COL28A1: variants seen among roughly 807,000 people sequenced by gnomAD.
The protein encoded by COL28A1 is collagen alpha-1(XXVIII) chain.
In COL28A1, 161 loss-of-function variants were observed where a neutral mutation model predicts 150.2. The ratio of observed to expected loss-of-function variants is 1.07; its 90% CI spans 0.94 to 1.22. The LOEUF is 1.22. Among genes scored for constraint, COL28A1 ranks in the 50% most tolerant of loss-of-function variants. The pLI, the probability that COL28A1 is intolerant of heterozygous loss-of-function variation, is 0.00. For synonymous variants in COL28A1, 552 were observed against 469.7 expected (o/e 1.18, Z -2.26); for missense variants, 1,617 against 1,388.3 (o/e 1.16, Z -2.62).
At chr7:7,383,286 GTGTTTT>G (rs776480945) in intron 27 of COL28A1, among the ~76,000 whole-genome samples, 38 of 105,166 alleles carry the variant, frequency 3.6e-4, no homozygotes, top group South Asian at 1.2e-3. Flanking sequence ...GTGTGTGTGT[GTGTTTT>G]TTTTGAGACA....
chr7:7,520,099 G>T lies in COL28A1; in HGVS notation c.776C>A (p.Pro259Gln). 1 of 1,390,732 alleles carries T rather than the reference G, an allele frequency of 7.2e-7. No homozygotes were observed. Among genetic ancestry groups the T allele is most frequent in the Non-Finnish European group, 1.0e-6 (1 of 977,778 alleles). The allele number at this position is 1,390,732 out of a possible 1,614,324, so 86.1% of individuals were successfully genotyped here. A position where few individuals can be genotyped will look rare whatever the true frequency, so the allele number is the denominator to read the frequency against. The change falls in exon 6 of 35, where the codon CCA (proline) becomes CAA (glutamine). Residue 259 changes from proline to glutamine, a missense_variant. By Grantham distance (76) the Pro-to-Gln change is moderately conservative. Transcript: ENST00000399429. Reference sequence around the variant, plus strand: ...TGGTCCTCGCTCACCTTTGATACCTGGATTTCCATGTGTACCCTGAAGGCA... The same window carrying T: ...TGGTCCTCGCTCACCTTTGATACCTTGATTTCCATGTGTACCCTGAAGGCA... ...DPGPPGTHGN[P>Q]GIKGERGPKG...
intron 15 of COL28A1, among the ~76,000 whole-genome samples, chr7:7,457,059 C>T (rs1787225969): frequency 6.6e-6 from 1 of 152,162 alleles, no homozygotes; most frequent in Admixed American, 6.5e-5. Context: ...GTGGAACCAT[C>T]TCCATGAGGG....
At chr7:7,450,634 G>A (rs113046611) in intron 18 of COL28A1, among the ~76,000 whole-genome samples, 6 of 152,188 alleles carry the variant, frequency 3.9e-5, no homozygotes, top group Admixed American at 1.3e-4. Context: ...TTGAAGACTC[G>A]CACGCTCTAT....
intron 4 of COL28A1, among the ~76,000 whole-genome samples, chr7:7,522,638 T>G (rs183081729): frequency 6.6e-6 from 1 of 151,958 alleles, no homozygotes; most frequent in Non-Finnish European, 1.5e-5. Context: ...TTTGCTGGCA[T>G]AGAGGTCAGT....
intron 13 of COL28A1, among the ~76,000 whole-genome samples, chr7:7,479,956 C>G (rs7788168): frequency 8.5e-4 from 129 of 152,300 alleles, no homozygotes; most frequent in African/African-American, 2.9e-3. Context: ...AGCTTTTCCT[C>G]TGATGAATCT....
chr7:7,523,621 C>G (rs1204094523), intron 4 of COL28A1, among the ~76,000 whole-genome samples: 1 of 152,180 alleles, frequency 6.6e-6, no homozygotes, highest in Non-Finnish European at 1.5e-5. Flanking sequence ...GAACAAAGCT[C>G]AGATGTTCCA....
intron 25 of COL28A1, among the ~76,000 whole-genome samples, chr7:7,428,385 G>C (rs1260440735): frequency 6.6e-6 from 1 of 152,180 alleles, no homozygotes; most frequent in Non-Finnish European, 1.5e-5. Flanking sequence ...GGCTGTACCT[G>C]CCCTTAGTGA....
At chr7:7,492,478 G>A (rs111276891) in intron 11 of COL28A1, among the ~76,000 whole-genome samples, 8,492 of 151,040 alleles carry the variant, frequency 0.056, 323 homozygotes, top group Non-Finnish European at 0.085. Context: ...CCAGCTACTC[G>A]GGAGGCTGAG....
At chr7:7,429,477 G>C (rs557559919) in intron 25 of COL28A1, among the ~76,000 whole-genome samples, 1 of 150,746 alleles carries the variant, frequency 6.6e-6, no homozygotes, top group South Asian at 2.1e-4. Flanking sequence ...TGTGTGTGGG[G>C]GGGGGGATGG....
Position 7,379,919 on chromosome 7 carries a change from C to T in COL28A1, c.2322+741G>A, listed in dbSNP as rs1180089612. ...CATGTGCAGTTCTGTTGGTCACATG[C>T]CCAGCTCTCAGCTCTTGCCTTCACC... On this transcript the variant is annotated intron_variant, in intron 30 of 34. Transcript: ENST00000399429. Among the ~76,000 whole-genome samples the T allele has an allele frequency of 2.6e-5, 4 of 152,154 alleles. No individual in the cohort carries two copies. In the East Asian group the frequency reaches 5.8e-4, roughly 22 times the overall value.
chr7:7,531,962 C>T (rs1782391219), intron 2 of COL28A1, 58 bp from the exon 3 acceptor site: 2 of 1,066,712 alleles, frequency 1.9e-6, no homozygotes, highest in African/African-American at 1.6e-5. Flanking sequence ...AACAAATTTG[C>T]ATACGGAAAG....
At chr7:7,516,303 T>C (rs1275375458) in intron 7 of COL28A1, among the ~76,000 whole-genome samples, 2 of 152,234 alleles carry the variant, frequency 1.3e-5, no homozygotes, top group Admixed American at 6.5e-5. Context: ...AATATTTGTA[T>C]CCATTATGGT....
intron 27 of COL28A1, among the ~76,000 whole-genome samples, chr7:7,400,981 T>TGTGG (rs1783156128): frequency 8.8e-6 from 1 of 114,254 alleles, no homozygotes; most frequent in African/African-American, 4.0e-5. Flanking sequence ...TTTGGGTGTG[T>TGTGG]GTGTGTGTGT....
rs1554281248 is a variant in COL28A1, at chr7:7,474,070, A to AATATATATATATATATATGGAAT, written c.1302+530_1302+531insATTCCATATATATATATATATAT. ...TACTATATACTCTATATATATATGGAATATATATATATATATATGTGATGG... is the reference window on the plus strand; with the variant it reads ...TACTATATACTCTATATATATATGGAATATATATATATATATATGGAATATATATATATATATATATGTGATGG... On this transcript the variant is annotated intron_variant, in intron 15 of 34. Coordinates refer to ENST00000399429, the MANE Select transcript of COL28A1 (RefSeq NM_001037763.3). Among the ~76,000 whole-genome samples, 125 of 143,050 alleles carry AATATATATATATATATATGGAAT rather than the reference A, an allele frequency of 8.7e-4. 1 individual carries two copies. The highest frequency in any genetic ancestry group is 3.0e-3 in the African/African-American group (117 of 38,744). The allele number at this position is 143,050 out of a possible 152,430, so 93.8% of individuals were successfully genotyped here.
intron 4 of COL28A1, among the ~76,000 whole-genome samples, chr7:7,523,015 T>C (rs930736254): frequency 7.2e-5 from 11 of 152,084 alleles, no homozygotes; most frequent in African/African-American, 2.7e-4. Flanking sequence ...TATTCCCTTA[T>C]ATGTATATAT....
chr7:7,360,336 T>C (rs912284114), intron 34 of COL28A1, 54 bp downstream of exon 34: 8 of 1,462,946 alleles, frequency 5.5e-6, no homozygotes, highest in Non-Finnish European at 7.2e-6. Flanking sequence ...GTGCACCAAA[T>C]CTGTGCACAA....
chr7:7,375,041 A>G lies in COL28A1; in HGVS notation c.2359+420T>C, dbSNP rs188555349. Among the ~76,000 whole-genome samples, 9 of 152,342 alleles carry G rather than the reference A, an allele frequency of 5.9e-5. No individual in the cohort carries two copies. The East Asian group carries it at 7.7e-4, about 13-fold the overall frequency. ...CTGAGTACAACTCAAAACTCTACTC[A>G]GAAAGAATTCATGGCTTCGGGAAAA... On this transcript the variant is annotated intron_variant, in intron 31 of 34. Coordinates refer to ENST00000399429, the MANE Select transcript of COL28A1 (RefSeq NM_001037763.3).
chr7:7,454,380 T>C (rs1786967189), intron 16 of COL28A1, among the ~76,000 whole-genome samples: 1 of 152,216 alleles, frequency 6.6e-6, no homozygotes, highest in East Asian at 1.9e-4. Context: ...GTAGAATTTA[T>C]ATCATTTGTC....
At chr7:7,344,898 G>A in the COL28A1 span, among the ~76,000 whole-genome samples, 198 of 152,114 alleles carry the variant, frequency 1.3e-3, 1 homozygote, top group African/African-American at 4.7e-3. Flanking sequence ...TTTTTAGTCA[G>A]ATATAATCAG....
Sources: allele counts gnomAD v4.1 joint callset (sites outside exome capture counted in the v4.1 genomes callset), GRCh38; gene constraint gnomAD v4.1.1; transcripts MANE v1.5; gene names NCBI Gene and HGNC (gene_info 2026-07-23, HGNC 2026-07-21).